Variants in TSHZ3 observed in about 807,000 individuals in gnomAD.
TSHZ3 encodes teashirt zinc finger homeobox 3, also known as teashirt homolog 3.
Under a neutral mutation model 64.5 loss-of-function variants are expected in TSHZ3, and 10 were observed. The ratio of observed to expected loss-of-function variants is 0.16; its 90% CI spans 0.10 to 0.26. The LOEUF is 0.26. Among genes scored for constraint, TSHZ3 ranks in the 10% least tolerant of loss-of-function variants. TSHZ3 has a pLI of 1.00. For synonymous variants in TSHZ3, 608 were observed against 593.1 expected, an observed-to-expected ratio of 1.03 and a Z score of -0.36; for missense variants, 1,242 against 1,421.7, an observed-to-expected ratio of 0.87 and a Z score of 2.03.
chr19:31,191,841 T>C (rs1974913948), intron 5 of TSHZ3, among the ~76,000 whole-genome samples: 1 of 152,134 alleles, frequency 6.6e-6, no homozygotes, highest in Non-Finnish European at 1.5e-5. Flanking sequence ...CCTGGGAGAC[T>C]GCACCCCAGC....
rs146677336 is a variant in TSHZ3, at chr19:31,290,507, G to A, written c.41-10755C>T. On this transcript the variant is annotated intron_variant, in intron 1 of 1. Transcript: ENST00000240587. ...TTCTGTCTAGTTATTAAATAAGCAG[G>A]GAGAAAAAAAGGGTTCTAGAGGACT... Among the ~76,000 whole-genome samples, 22 of 151,976 alleles carry A rather than the reference G, an allele frequency of 1.4e-4. No homozygotes were observed. The South Asian group carries it at 2.1e-3, about 14-fold the overall frequency.
chr19:31,237,298 A>G (rs531224200), intron 3 of TSHZ3, among the ~76,000 whole-genome samples: 1 of 152,340 alleles, frequency 6.6e-6, no homozygotes, highest in East Asian at 1.9e-4. Flanking sequence ...AAACTGTTAA[A>G]CTTATCAGGC....
intron 1 of TSHZ3, among the ~76,000 whole-genome samples, chr19:31,319,371 A>T (rs752248360): frequency 1.3e-5 from 2 of 152,264 alleles, no homozygotes; most frequent in African/African-American, 2.4e-5. Context: ...TAAACATTGT[A>T]AAGGTTTCAT....
intron 1 of TSHZ3, among the ~76,000 whole-genome samples, chr19:31,338,611 GT>G (rs1169124287): frequency 7.3e-6 from 1 of 136,382 alleles, no homozygotes; most frequent in African/African-American, 2.7e-5. Context: ...ATGACACGGA[GT>G]TTAAAAAAAA....
At chr19:31,183,859 T>C (rs1421152168) in intron 5 of TSHZ3, among the ~76,000 whole-genome samples, 1 of 152,148 alleles carries the variant, frequency 6.6e-6, no homozygotes, top group African/African-American at 2.4e-5. Context: ...TAAAGGGCCA[T>C]ATATTAGTGC....
In TSHZ3 at chr19:31,279,015, G is replaced by A. The variant is rs200052169; in HGVS notation, c.778C>T (p.Arg260Cys). The part of the protein sequence containing the change: ...NPKRWSKPRK[R>C]SLLEMEGKED... The stretch of plus-strand genomic sequence containing the variant: ...TTCCCTTCCATTTCCAGCAAGGAGC[G>A]TTTGCGAGGCTTGGACCAGCGCTTG... Residue 260 changes from arginine (R) to cysteine (C), a missense_variant, in exon 2 of 2, where the codon CGC becomes TGC. By Grantham distance (180) the Arg-to-Cys change is radical. Transcript: ENST00000240587. The surrounding 1 kb of genome is among the most constrained non-coding windows in gnomAD (Gnocchi z 6.4). 10 of 1,613,908 alleles carry A rather than the reference G, an allele frequency of 6.2e-6. No individual in the cohort carries two copies. The highest frequency in any genetic ancestry group is 2.2e-5 in the South Asian group (2 of 91,082).
At chr19:31,324,443 T>C (rs1432096004) in intron 1 of TSHZ3, among the ~76,000 whole-genome samples, 1 of 152,216 alleles carries the variant, frequency 6.6e-6, no homozygotes, top group Non-Finnish European at 1.5e-5. Context: ...GATATCAACA[T>C]AACACGATGA....
chr19:31,223,151 T>G (rs1975412474), intron 4 of TSHZ3, among the ~76,000 whole-genome samples: 1 of 152,298 alleles, frequency 6.6e-6, no homozygotes, highest in South Asian at 2.1e-4. Context: ...TTTCCTCTGC[T>G]CATCTCATGG....
chr19:31,257,210 C>T (rs929240154), intron 1 of TSHZ3, among the ~76,000 whole-genome samples: 19 of 152,060 alleles, frequency 1.2e-4, no homozygotes, highest in African/African-American at 9.7e-5. Flanking sequence ...CAGAGGGCTG[C>T]GCTACTCAGG....
rs78849754 is a variant in TSHZ3 at position 31,182,527 on chromosome 19, C to A, written n.809+22429G>T. 5.2e-3 allele frequency among the ~76,000 whole-genome samples: 792 copies of A among 152,244 alleles called. 5 individuals are homozygous for A. The highest frequency in any genetic ancestry group is 0.014 in the Middle Eastern group (4 of 294). ...AATCCTAGGCAGGTCTGAGGACCGA[C>A]CCTAAACTCCCAACCCAACCCAAGA... On this transcript the variant is annotated intron_variant and non_coding_transcript_variant, in intron 5 of 6. Transcript: ENST00000651361.
intron 1 of TSHZ3, among the ~76,000 whole-genome samples, chr19:31,338,099 G>A (rs547149189): frequency 8.0e-6 from 1 of 124,230 alleles, no homozygotes; most frequent in African/African-American, 3.0e-5. Flanking sequence ...CAGCAGGAAG[G>A]CCTAGAGTTT....
At chr19:31,333,770 C>T (rs1014202832) in intron 1 of TSHZ3, among the ~76,000 whole-genome samples, 2 of 152,258 alleles carry the variant, frequency 1.3e-5, no homozygotes, top group Middle Eastern at 3.4e-3. Context: ...CCCCATGAAA[C>T]TTGGCCAGCG....
At chr19:31,245,032 T>C (rs1362259295) in intron 1 of TSHZ3, among the ~76,000 whole-genome samples, 1 of 152,252 alleles carries the variant, frequency 6.6e-6, no homozygotes, top group Admixed American at 6.5e-5. Context: ...TTGTTATGTA[T>C]GTATAAAGTA....
chr19:31,211,610 T>A (rs1975259652), intron 4 of TSHZ3, among the ~76,000 whole-genome samples: 1 of 152,118 alleles, frequency 6.6e-6, no homozygotes, highest in Admixed American at 6.5e-5. Flanking sequence ...TGAAGTGTTG[T>A]GAGGCAGACC....
In TSHZ3 at chr19:31,267,973, A is replaced by G. The variant is rs546971006; in HGVS notation, n.64-25098T>C. Among the ~76,000 whole-genome samples the G allele has an allele frequency of 2.6e-5, 4 of 152,178 alleles. No individual in the cohort carries two copies. In the South Asian group the frequency reaches 8.3e-4, roughly 32 times the overall value. On this transcript the variant is annotated intron_variant and non_coding_transcript_variant, in intron 1 of 6. Transcript: ENST00000651361. The stretch of plus-strand genomic sequence containing the variant: ...TGTCCCCACCCAAATCTCATCTTGA[A>G]TTGTAGCTCCCATAATCCCCACTTG...
intron 4 of TSHZ3, among the ~76,000 whole-genome samples, chr19:31,224,233 A>G (rs545669704): frequency 2.6e-5 from 4 of 152,324 alleles, no homozygotes; most frequent in African/African-American, 9.6e-5. Flanking sequence ...ACTTTCTGAT[A>G]TGTATTGCTT....
intron 5 of TSHZ3, among the ~76,000 whole-genome samples, chr19:31,166,775 T>A (rs1974458328): frequency 6.6e-6 from 1 of 152,206 alleles, no homozygotes; most frequent in Non-Finnish European, 1.5e-5. Context: ...AAAGACTATA[T>A]GCCCCTACGG....
intron 1 of TSHZ3, among the ~76,000 whole-genome samples, chr19:31,268,846 C>T (rs764942743): frequency 6.6e-6 from 1 of 152,092 alleles, no homozygotes; most frequent in Non-Finnish European, 1.5e-5. Context: ...GCTGCCTCCC[C>T]GGGCAAATCC....
At chr19:31,284,001 C>T (rs985756374) in intron 1 of TSHZ3, among the ~76,000 whole-genome samples, 7 of 152,170 alleles carry the variant, frequency 4.6e-5, no homozygotes, top group Non-Finnish European at 2.9e-5. Context: ...CACCGTCCAC[C>T]GATTCGACCC....
Sources: allele counts gnomAD v4.1 joint callset (sites outside exome capture counted in the v4.1 genomes callset), GRCh38; gene constraint gnomAD v4.1.1; non-coding constraint Gnocchi (gnomAD v3.1); transcripts MANE v1.5; gene names NCBI Gene and HGNC (gene_info 2026-07-23, HGNC 2026-07-21).